Variants in ZNF407 observed in about 807,000 individuals in gnomAD.
ZNF407 encodes the protein zinc finger protein 407.
ZNF407 carries 17 observed loss-of-function variants against 131.2 expected under a neutral mutation model. That is an observed-to-expected ratio of 0.13 (90% confidence interval 0.09 to 0.19). ZNF407 has a LOEUF of 0.19. Ranked by LOEUF, ZNF407 falls within the 10% of genes least tolerant of loss-of-function variation. The pLI is 1.00. For synonymous variants in ZNF407, 1,156 were observed against 1,062.0 expected (o/e 1.09, Z -1.72); for missense variants, 2,681 against 2,830.6 (o/e 0.95, Z 1.20).
chr18:74,877,191 A>G lies in ZNF407; in HGVS notation c.4878-6A>G, dbSNP rs569202619. 3.0e-5 allele frequency: 48 copies of G among 1,613,716 alleles called. No homozygotes were observed. Among genetic ancestry groups the G allele is most frequent in the South Asian group, 1.2e-4 (11 of 91,074 alleles). Reference sequence around the variant, plus strand: ...ATTTATATTGTTTTCTCTCTCCTTCATGCAGGAAATTTACATGCCACTTAT... The same window carrying G: ...ATTTATATTGTTTTCTCTCTCCTTCGTGCAGGAAATTTACATGCCACTTAT... On this transcript the variant is annotated splice_region_variant and splice_polypyrimidine_tract_variant and intron_variant, in intron 4 of 8. Transcript: ENST00000299687.
intron 4 of ZNF407, chr18:74,804,589 C>A: frequency 2.0e-6 from 2 of 985,006 alleles, no homozygotes; most frequent in Non-Finnish European, 2.4e-6. Context: ...TACTATACAT[C>A]TAAGAAAACA....
At chr18:74,961,586 G>A (rs901578797) in intron 8 of ZNF407, among the ~76,000 whole-genome samples, 5 of 152,160 alleles carry the variant, frequency 3.3e-5, no homozygotes, top group African/African-American at 9.6e-5. Context: ...TGGGTGTGGT[G>A]ACGCGTGCCA....
intron 7 of ZNF407, among the ~76,000 whole-genome samples, chr18:74,897,210 A>G (rs1971464303): frequency 6.6e-6 from 1 of 152,256 alleles, no homozygotes; most frequent in Admixed American, 6.5e-5. Context: ...TTTAAGTAAA[A>G]GATCTTACAA....
intron 4 of ZNF407, among the ~76,000 whole-genome samples, chr18:74,803,435 A>T (rs1241151782): frequency 6.6e-6 from 1 of 152,156 alleles, no homozygotes; most frequent in Non-Finnish European, 1.5e-5. Context: ...CCTGGTTATC[A>T]ATGGGCATCT....
chr18:75,063,488 A>C lies in ZNF407; in HGVS notation c.5767A>C (p.Ser1923Arg). The C allele has an allele frequency of 6.3e-7, 1 of 1,598,120 alleles. No individual in the cohort carries two copies. Among genetic ancestry groups the C allele is most frequent in the East Asian group, 2.3e-5 (1 of 43,962 alleles). ...GAGTCAGAGCGGGGCACATGTAGGC[A>C]GCGTGGTGCCCGGACCCATCCTCCC... Reference protein sequence around the residue: ...ATSQSGAHVGSVVPGPILPEQ... With the variant: ...ATSQSGAHVGRVVPGPILPEQ... Residue 1923 changes from serine to arginine, a missense_variant, in exon 9 of 9, where the codon AGC becomes CGC. By Grantham distance (110) the Ser-to-Arg change is moderately radical. This residue lies in a region of ZNF407 where 620 missense variants were observed against 583.1 expected (regional missense o/e 1.06). Transcript: ENST00000299687. The surrounding 1 kb of genome is among the most constrained non-coding windows in gnomAD (Gnocchi z 6.6).
rs1050957203 is a variant in ZNF407 at position 74,953,144 on chromosome 18, A to G, written c.5428+32452A>G. On this transcript the variant is annotated intron_variant, in intron 8 of 8. Coordinates refer to ENST00000299687, the MANE Select transcript of ZNF407 (RefSeq NM_017757.3). ...TAGGTGGAGAAAGGACTGCGTGGAA[A>G]TGAGACGTCTTGGCAAGAGAGAGTG... Among the ~76,000 whole-genome samples, 45 of 152,212 alleles carry G rather than the reference A, an allele frequency of 3.0e-4. 1 individual carries two copies. The highest frequency in any genetic ancestry group is 9.2e-4 in the African/African-American group (38 of 41,448).
At chr18:74,729,763 G>A (rs1355636428) in intron 3 of ZNF407, among the ~76,000 whole-genome samples, 1 of 151,878 alleles carries the variant, frequency 6.6e-6, no homozygotes, top group Non-Finnish European at 1.5e-5. Flanking sequence ...CCTTTATTCA[G>A]TATAAATATA....
intron 8 of ZNF407, among the ~76,000 whole-genome samples, chr18:75,060,686 T>C (rs920719277): frequency 6.6e-6 from 1 of 151,100 alleles, no homozygotes; most frequent in Admixed American, 6.6e-5. Flanking sequence ...TTTGTATTTT[T>C]AGTAGAGACG....
chr18:74,631,220 C>T lies in ZNF407; in HGVS notation c.201C>T (p.Asp67=), dbSNP rs1568130278. 6.2e-7 allele frequency: 1 copy of T among 1,613,888 alleles called. No individual in the cohort carries two copies. The highest frequency in any genetic ancestry group is 1.1e-5 in the South Asian group (1 of 91,064). The change falls in exon 2 of 9, where the codon GAC becomes GAT. Residue 67 remains aspartate (D), a synonymous_variant. Coordinates refer to ENST00000299687, the MANE Select transcript of ZNF407 (RefSeq NM_017757.3). ...CTGATAGTGTTGTTATAGGAGAAGA[C>T]AGAAATAAACATGCTTCCAAACGCA... ...SNSDSVVIGE[D]RNKHASKRRK...
rs146120603 is a variant in ZNF407 at position 74,886,207 on chromosome 18, T to C, written c.5129-3711T>C. Reference sequence around the variant, plus strand: ...TATAAAGGTATGGCAGATAAGCACATGGAAAGATCCTCGGCACCCTCGGAG... The same window carrying C: ...TATAAAGGTATGGCAGATAAGCACACGGAAAGATCCTCGGCACCCTCGGAG... On this transcript the variant is annotated intron_variant, in intron 6 of 8. Transcript: ENST00000299687. 6.1e-3 allele frequency among the ~76,000 whole-genome samples: 932 copies of C among 152,246 alleles called. 8 individuals are homozygous for C. The highest frequency in any genetic ancestry group is 0.021 in the African/African-American group (879 of 41,542).
At chr18:74,734,099 G>A (rs892518898) in intron 3 of ZNF407, among the ~76,000 whole-genome samples, 8 of 152,098 alleles carry the variant, frequency 5.3e-5, no homozygotes, top group African/African-American at 1.9e-4. Flanking sequence ...CCTGCTGTTT[G>A]GCTCTGTGTC....
intron 8 of ZNF407, among the ~76,000 whole-genome samples, chr18:74,933,541 G>A (rs1404455179): frequency 6.6e-6 from 1 of 152,116 alleles, no homozygotes; most frequent in African/African-American, 2.4e-5. Context: ...AACTGATTAG[G>A]ATGGTAACTT....
At chr18:74,849,064 TTTA>T (rs1225808824) in intron 4 of ZNF407, among the ~76,000 whole-genome samples, 1 of 144,432 alleles carries the variant, frequency 6.9e-6, no homozygotes, top group Non-Finnish European at 1.5e-5. Context: ...TTTTTTTTTT[TTTA>T]TTTTTTATTT....
At chr18:74,792,923 A>T (rs1969852751) in intron 4 of ZNF407, among the ~76,000 whole-genome samples, 1 of 152,224 alleles carries the variant, frequency 6.6e-6, no homozygotes. Context: ...GAGGCACTTC[A>T]TCAGATTAAA....
intron 7 of ZNF407, among the ~76,000 whole-genome samples, chr18:74,913,094 G>A (rs1390348784): frequency 6.6e-6 from 1 of 152,166 alleles, no homozygotes. Flanking sequence ...ACAGGCTCAG[G>A]CTCTGAAACA....
At position 75,063,630 on chromosome 18, in the gene ZNF407, AGGAGATTTTAAACCTCTC is replaced by A. The variant is rs1484319380; in HGVS notation, c.5914_5931del (p.Ile1972_Glu1977del). 1 of 1,591,794 alleles carries A rather than the reference AGGAGATTTTAAACCTCTC, an allele frequency of 6.3e-7. No homozygotes were observed. Among genetic ancestry groups the A allele is most frequent in the Non-Finnish European group, 8.5e-7 (1 of 1,170,458 alleles). On this transcript the variant is annotated inframe_deletion, in exon 9 of 9. Coordinates refer to ENST00000299687, the MANE Select transcript of ZNF407 (RefSeq NM_017757.3). The surrounding 1 kb of genome is among the most constrained non-coding windows in gnomAD (Gnocchi z 6.6). ...GCTGTGATACAACAGGTGACCAAGC[AGGAGATTTTAAACCTCTC>A]GGAGGCTGGAGTCGCTCCCCCCGAG... is the stretch of plus-strand genomic sequence containing the variant.
At chr18:74,924,840 T>C (rs918224604) in intron 8 of ZNF407, among the ~76,000 whole-genome samples, 4 of 152,216 alleles carry the variant, frequency 2.6e-5, no homozygotes. Flanking sequence ...AGCAGACTTA[T>C]AGTTATGCCT....
rs1427994751 is a variant in ZNF407, at chr18:75,063,540, AGGT to A, written c.5823_5825del (p.Val1944del). ...GAGCAGCTGGCTGATGGAGCCACCCAGGTGGTCGTCGTGGGGGGCTCCATGGAA... is the reference window on the plus strand; with the variant it reads ...GAGCAGCTGGCTGATGGAGCCACCCAGGTCGTCGTGGGGGGCTCCATGGAA... On this transcript the variant is annotated inframe_deletion, in exon 9 of 9. Coordinates refer to ENST00000299687, the MANE Select transcript of ZNF407 (RefSeq NM_017757.3). The surrounding 1 kb of genome is among the most constrained non-coding windows in gnomAD (Gnocchi z 6.6). 7 of 1,571,512 alleles carry A rather than the reference AGGT, an allele frequency of 4.5e-6. No homozygotes were observed. In the South Asian group the frequency reaches 5.8e-5, roughly 13 times the overall value.
At chr18:74,972,562 C>A (rs1972484650) in intron 8 of ZNF407, among the ~76,000 whole-genome samples, 1 of 152,256 alleles carries the variant, frequency 6.6e-6, no homozygotes, top group Non-Finnish European at 1.5e-5. Context: ...CAAATCTGGA[C>A]TGTTGCCACT....
Sources: gnomAD v4.1 joint callset for allele counts (sites outside exome capture counted in the v4.1 genomes callset) on GRCh38, gnomAD v4.1.1 for gene constraint, gnomAD v4.1.1 regional missense constraint, Gnocchi (gnomAD v3.1) non-coding constraint, MANE v1.5 for transcripts, NCBI Gene and HGNC (gene_info 2026-07-23, HGNC 2026-07-21) for gene names.